The following IRF6 variants were observed in gnomAD, a reference collection of about 807,000 sequenced individuals.
IRF6 encodes Van der Woude syndrome.
Under a neutral mutation model 51.4 loss-of-function variants are expected in IRF6, and 6 were observed. The observed-to-expected ratio is 0.12, with a 90% CI of 0.06 to 0.23. The LOEUF (loss-of-function observed/expected upper bound fraction) is 0.23, where lower values mean the gene tolerates loss of function less well. IRF6 is among the 10% of genes least tolerant of loss of function. The probability of loss-of-function intolerance (pLI) is 1.00; values close to 1 mark genes in which losing one functional copy is unlikely to be tolerated. For missense variants in IRF6, 348 were observed against 585.2 expected, an observed-to-expected ratio of 0.59 and a Z score of 4.18; for synonymous variants, 178 against 215.7, an observed-to-expected ratio of 0.83 and a Z score of 1.53.
Position 209,790,549 on chromosome 1 carries a change from G to T in IRF6, c.1006C>A (p.Leu336Met). Residue 336 changes from leucine (L) to methionine (M), a missense_variant, in exon 7 of 9, where the codon CTG becomes ATG. This residue lies in a region of IRF6 where 125 missense variants were observed against 222.0 expected (regional missense o/e 0.56). Transcript: ENST00000367021. The surrounding 1 kb of genome is among the most constrained non-coding windows in gnomAD (Gnocchi z 4.8). ...PCAPSLVAPN[L>M]IERQKKVKLF... ...TTGACCTTCTTTTGTCTCTCAATCA[G>T]GTTGGGAGCAACAAGTGATGGGGCA... 1 of 1,614,200 alleles carries T rather than the reference G, an allele frequency of 6.2e-7. No homozygotes were observed. Among genetic ancestry groups the T allele is most frequent in the Non-Finnish European group, 8.5e-7 (1 of 1,180,034 alleles).
chr1:209,795,457 G>T, intron 4 of IRF6, 39 bp from the exon 5 acceptor site: 1 of 1,611,888 alleles, frequency 6.2e-7, no homozygotes, highest in Non-Finnish European at 8.5e-7. Flanking sequence ...AGCCATTCAG[G>T]TTGCACTGCC....
intron 4 of IRF6, 72 bp from the exon 5 acceptor site, chr1:209,795,490 T>G: frequency 6.2e-7 from 1 of 1,606,066 alleles, no homozygotes; most frequent in Non-Finnish European, 8.5e-7. Flanking sequence ...GACCCACCAT[T>G]CAAGCTAGGG....
At chr1:209,789,528 A>G in intron 8 of IRF6, 139 bp downstream of exon 8, 3 of 746,594 alleles carry the variant, frequency 4.0e-6, no homozygotes, top group Non-Finnish European at 7.4e-6. Flanking sequence ...CTACTGCACA[A>G]ACCTGAGTCT....
In IRF6 at chr1:209,790,858, G is replaced by A. The variant is rs747672901; in HGVS notation, c.697C>T (p.Arg233Cys). The change falls in exon 7 of 9, where the codon CGT becomes TGT. Residue 233 changes from arginine (R) to cysteine (C), a missense_variant. By Grantham distance (180) the Arg-to-Cys change is radical (BLOSUM62 -3). Transcript: ENST00000367021. The surrounding 1 kb of genome is among the most constrained non-coding windows in gnomAD (Gnocchi z 4.8). ...ATGGTCTGCCCGTACTCCTTCCCAC[G>A]GTACTGAAACTTGATGTCCAGGTCA... Reference protein sequence around the residue: ...MTDLDIKFQYRGKEYGQTMTV... With the variant: ...MTDLDIKFQYCGKEYGQTMTV... 4.6e-5 allele frequency: 74 copies of A among 1,612,876 alleles called. No individual in the cohort carries two copies. Among genetic ancestry groups the A allele is most frequent in the Admixed American group, 6.7e-5 (4 of 59,998 alleles).
chr1:209,793,740 GC>G (rs1321957432), intron 5 of IRF6, among the ~76,000 whole-genome samples: 1 of 152,038 alleles, frequency 6.6e-6, no homozygotes, highest in Non-Finnish European at 1.5e-5. Flanking sequence ...CCTCAAGGAG[GC>G]CCCAGTGTCT....
chr1:209,795,285 C>A lies in IRF6; in HGVS notation c.508+5G>T, dbSNP rs1417180977. 6.2e-7 allele frequency: 1 copy of A among 1,614,204 alleles called. No individual in the cohort carries two copies. The highest frequency in any genetic ancestry group is 1.1e-5 in the South Asian group (1 of 91,086). ...GTCTCTGTACCACCCATCATCCCCA[C>A]TCACCATTGATGTTCAGGAAGGGGA... is the stretch of plus-strand genomic sequence containing the variant. On this transcript the variant is annotated splice_donor_5th_base_variant and intron_variant, in intron 5 of 8. Transcript: ENST00000367021.
intron 3 of IRF6, among the ~76,000 whole-genome samples, chr1:209,799,760 G>T (rs1030544093): frequency 1.3e-5 from 2 of 152,240 alleles, no homozygotes; most frequent in Non-Finnish European, 2.9e-5. Context: ...GCCAAGATGG[G>T]CCCGTGCCCT....
At chr1:209,788,889 G>A (rs2077850935) in intron 8 of IRF6, among the ~76,000 whole-genome samples, 1 of 152,216 alleles carries the variant, frequency 6.6e-6, no homozygotes, top group Non-Finnish European at 1.5e-5. Flanking sequence ...ATAAATGACT[G>A]CTTACTTTGC....
At chr1:209,801,815 A>C (rs2077945254) in intron 2 of IRF6, among the ~76,000 whole-genome samples, 157 bp downstream of exon 2, 1 of 152,252 alleles carries the variant, frequency 6.6e-6, no homozygotes, top group South Asian at 2.1e-4. Context: ...AAAGTTATGG[A>C]AACAGCAACA....
chr1:209,789,893 C>T (rs2077858983), intron 7 of IRF6, 108 bp from the exon 8 acceptor site: 3 of 771,936 alleles, frequency 3.9e-6, no homozygotes, highest in Non-Finnish European at 6.8e-6. Context: ...CACATGTGCT[C>T]ACTAGTTTTA....
At position 209,792,364 on chromosome 1, in the gene IRF6, A is replaced by G; in HGVS notation, c.572T>C (p.Val191Ala). ...CSVGNCSPEA[V>A]WPKTEPLEME... Reference sequence around the variant, plus strand: ...CTCCAGGGGTTCAGTTTTGGGCCACACTGCCTCCGGGCTGCAGTTGCCCAC... The same window carrying G: ...CTCCAGGGGTTCAGTTTTGGGCCACGCTGCCTCCGGGCTGCAGTTGCCCAC... Residue 191 changes from valine (V) to alanine (A), a missense_variant, in exon 6 of 9, where the codon GTG (valine) becomes GCG (alanine). Val to Ala is a moderately conservative substitution (Grantham distance 64). Coordinates refer to ENST00000367021, the MANE Select transcript of IRF6 (RefSeq NM_006147.4). The G allele has an allele frequency of 6.2e-7, 1 of 1,614,222 alleles. No homozygotes were observed. The highest frequency in any genetic ancestry group is 8.5e-7 in the Non-Finnish European group (1 of 1,180,034).
rs1207845440 is a variant in IRF6, at chr1:209,790,315, T to A, written c.1060+180A>T. Among the ~76,000 whole-genome samples the A allele has an allele frequency of 6.6e-6, 1 of 152,250 alleles. No homozygotes were observed. The highest frequency in any genetic ancestry group is 2.4e-5 in the African/African-American group (1 of 41,470). On this transcript the variant is annotated intron_variant, in intron 7 of 8. Coordinates refer to ENST00000367021, the MANE Select transcript of IRF6 (RefSeq NM_006147.4). The surrounding 1 kb of genome is among the most constrained non-coding windows in gnomAD (Gnocchi z 4.8). ...CTTTGGAGTGAAACTCCCTTCTTTG[T>A]TGCCTAGGTCACCTCCAATTTTTAG...
intron 3 of IRF6, among the ~76,000 whole-genome samples, chr1:209,800,461 T>G (rs1321460779): frequency 6.6e-6 from 1 of 152,172 alleles, no homozygotes; most frequent in Non-Finnish European, 1.5e-5. Flanking sequence ...ATATTTTAAC[T>G]CAAAAGAAAA....
chr1:209,797,880 C>T (rs1199205587), intron 3 of IRF6, among the ~76,000 whole-genome samples: 1 of 152,202 alleles, frequency 6.6e-6, no homozygotes, highest in Non-Finnish European at 1.5e-5. Context: ...CATTAGCAGA[C>T]AGCTCAAGAC....
In IRF6 at chr1:209,788,289, T is replaced by C. The variant is rs924632997; in HGVS notation, c.*131A>G. 6.0e-6 allele frequency: 4 copies of C among 671,154 alleles called. No individual in the cohort carries two copies. The highest frequency in any genetic ancestry group is 2.7e-5 in the Admixed American group (1 of 37,342). The allele number at this position is 671,154 out of a possible 1,614,324, so 41.6% of individuals were successfully genotyped here. A position where few individuals can be genotyped will look rare whatever the true frequency, so the allele number is the denominator to read the frequency against. ...ATTAAATCAGCTTTAAATCTAGGCA[T>C]ATTTGGAGAATCACAAACTTCTAAC... On this transcript the variant is annotated 3_prime_UTR_variant, in exon 9 of 9. Transcript: ENST00000367021.
At chr1:209,791,339 G>A (rs936938865) in intron 6 of IRF6, among the ~76,000 whole-genome samples, 1 of 152,100 alleles carries the variant, frequency 6.6e-6, no homozygotes, top group African/African-American at 2.4e-5. Flanking sequence ...ACACACACTG[G>A]GGATCTGCTC....
In IRF6 at chr1:209,796,939, A is replaced by G. The variant is rs891807837; in HGVS notation, c.175-387T>C. The stretch of plus-strand genomic sequence containing the variant: ...GGTAACTCTGGATAGCAGAATTTCA[A>G]GTAACTTTTTTTCTTTGCTTATTCA... On this transcript the variant is annotated intron_variant, in intron 3 of 8. Coordinates refer to ENST00000367021, the MANE Select transcript of IRF6 (RefSeq NM_006147.4). The surrounding 1 kb of genome is among the most constrained non-coding windows in gnomAD (Gnocchi z 4.5). Among the ~76,000 whole-genome samples, 2 of 152,238 alleles carry G rather than the reference A, an allele frequency of 1.3e-5. No individual in the cohort carries two copies. The highest frequency in any genetic ancestry group is 2.9e-5 in the Non-Finnish European group (2 of 68,046).
intron 5 of IRF6, 184 bp from the exon 6 acceptor site, chr1:209,792,611 G>C (rs989401988): frequency 5.4e-5 from 34 of 627,182 alleles, no homozygotes; most frequent in Non-Finnish European, 7.8e-5. Flanking sequence ...CCCTGCTCCT[G>C]CTTCCTAGTC....
At position 209,792,304 on chromosome 1, in the gene IRF6, T is replaced by C. The variant is rs369802663; in HGVS notation, c.632A>G (p.Tyr211Cys). 15 of 1,614,102 alleles carry C rather than the reference T, an allele frequency of 9.3e-6. No homozygotes were observed. The African/African-American group carries it at 9.3e-5, about 10-fold the overall frequency. ...EVPQAPIQPF[Y>C]SSPELWISSL... Reference sequence around the variant, plus strand: ...GCTGATCCACAGTTCTGGAGAGCTATAGAAGGGCTGTATAGGTGCCTGGGG... The same window carrying C: ...GCTGATCCACAGTTCTGGAGAGCTACAGAAGGGCTGTATAGGTGCCTGGGG... Residue 211 changes from tyrosine (Y) to cysteine (C), a missense_variant, in exon 6 of 9, where the codon TAT becomes TGT. By Grantham distance (194) the Tyr-to-Cys change is radical. This residue lies in a region of IRF6 where 124 missense variants were observed against 141.6 expected (regional missense o/e 0.88). Transcript: ENST00000367021.
Sources: allele counts gnomAD v4.1 joint callset (sites outside exome capture counted in the v4.1 genomes callset), GRCh38; gene constraint gnomAD v4.1.1; regional missense constraint gnomAD v4.1.1; non-coding constraint Gnocchi (gnomAD v3.1); transcripts MANE v1.5; gene names NCBI Gene and HGNC (gene_info 2026-07-23, HGNC 2026-07-21).